NALF1: variants seen among roughly 807,000 people sequenced by gnomAD.
NALF1 encodes NALCN channel auxiliary factor 1.
NALF1 carries 3 observed loss-of-function variants against 48.4 expected under a neutral mutation model. The observed-to-expected ratio is 0.06, with a 90% CI of 0.03 to 0.16. The LOEUF is 0.16. NALF1 is among the 10% of genes least tolerant of loss of function. The pLI is 1.00. For synonymous variants in NALF1, 262 were observed against 245.7 expected (o/e 1.07, Z -0.62); for missense variants, 526 against 571.5 (o/e 0.92, Z 0.81).
intron 1 of NALF1, among the ~76,000 whole-genome samples, chr13:107,748,051 G>GT (rs906118893): frequency 6.6e-6 from 1 of 152,072 alleles, no homozygotes; most frequent in African/African-American, 2.4e-5. Flanking sequence ...TCATTCTAAC[G>GT]TAACAACAAA....
chr13:107,564,494 G>A (rs1451133861), intron 1 of NALF1, among the ~76,000 whole-genome samples: 1 of 152,144 alleles, frequency 6.6e-6, no homozygotes, highest in Non-Finnish European at 1.5e-5. Context: ...GTTCACCCTG[G>A]TTGTTCTTGC....
intron 1 of NALF1, among the ~76,000 whole-genome samples, chr13:107,693,371 A>C (rs946632631): frequency 6.6e-6 from 1 of 151,922 alleles, no homozygotes; most frequent in African/African-American, 2.4e-5. Context: ...TACCTAATGT[A>C]AATGACGAGT....
At chr13:107,649,522 G>A (rs1448801864) in intron 1 of NALF1, among the ~76,000 whole-genome samples, 2 of 152,038 alleles carry the variant, frequency 1.3e-5, no homozygotes, top group Non-Finnish European at 2.9e-5. Context: ...TTAAGTCCTG[G>A]GTTGTAGAGT....
At chr13:107,380,296 G>A (rs1317560165) in intron 1 of NALF1, among the ~76,000 whole-genome samples, 4 of 152,056 alleles carry the variant, frequency 2.6e-5, no homozygotes, top group Non-Finnish European at 4.4e-5. Context: ...TTTATATTGC[G>A]TATTTTTCAA....
intron 1 of NALF1, among the ~76,000 whole-genome samples, chr13:107,822,992 G>A (rs1879402453): frequency 6.6e-6 from 1 of 152,110 alleles, no homozygotes; most frequent in Non-Finnish European, 1.5e-5. Flanking sequence ...AAATAATCGG[G>A]TACTGCTGAG....
chr13:107,231,833 T>G (rs1024772109), intron 1 of NALF1, among the ~76,000 whole-genome samples: 3 of 152,228 alleles, frequency 2.0e-5, no homozygotes, highest in African/African-American at 7.2e-5. Context: ...TTTAGAAACC[T>G]TTTAAATCTT....
At chr13:107,574,034 C>CAAA (rs1318625342) in intron 1 of NALF1, among the ~76,000 whole-genome samples, 2 of 152,082 alleles carry the variant, frequency 1.3e-5, no homozygotes, top group South Asian at 2.1e-4. Context: ...AATAGTAGAA[C>CAAA]ATGAAAACAA....
At chr13:107,715,372 T>A (rs1875721624) in intron 1 of NALF1, among the ~76,000 whole-genome samples, 1 of 152,080 alleles carries the variant, frequency 6.6e-6, no homozygotes, top group Admixed American at 6.5e-5. Flanking sequence ...CTGGCTAATT[T>A]TGTATTTTTA....
intron 1 of NALF1, among the ~76,000 whole-genome samples, chr13:107,462,003 C>T (rs879683193): frequency 2.0e-5 from 3 of 152,104 alleles, no homozygotes; most frequent in Non-Finnish European, 4.4e-5. Context: ...TTAAGGTAGT[C>T]CCTTATTTAC....
In NALF1 at chr13:107,163,688, A is replaced by G. The variant is rs1878603172; in HGVS notation, c.*6809T>C. On this transcript the variant is annotated 3_prime_UTR_variant, in exon 3 of 3. Transcript: ENST00000375915. ...TTTATTCCGTGTTCATATTCACATA[A>G]AAAAGTACTTGAGTACATTCAGAAA... The G allele has an allele frequency of 6.6e-6, 1 of 152,142 alleles. No individual in the cohort carries two copies. Among genetic ancestry groups the G allele is most frequent in the Non-Finnish European group, 1.5e-5 (1 of 68,002 alleles). 9.4% of individuals were successfully genotyped at this position (152,142 alleles called of 1,614,324 possible).
intron 1 of NALF1, among the ~76,000 whole-genome samples, chr13:107,850,641 G>A (rs1048381014): frequency 6.6e-5 from 10 of 152,120 alleles, no homozygotes; most frequent in African/African-American, 7.2e-5. Flanking sequence ...GGTGACTCAC[G>A]CCTATAATCC....
At chr13:107,658,105 G>GT (rs1420852003) in intron 1 of NALF1, among the ~76,000 whole-genome samples, 2 of 152,098 alleles carry the variant, frequency 1.3e-5, no homozygotes, top group Non-Finnish European at 2.9e-5. Context: ...TCAGCTACTT[G>GT]TAAGACTTGA....
rs183082147 is a variant in NALF1, at chr13:107,812,739, C to T, written c.915+52943G>A. Among the ~76,000 whole-genome samples, 253 of 152,106 alleles carry T rather than the reference C, an allele frequency of 1.7e-3. 1 individual carries two copies. The highest frequency in any genetic ancestry group is 3.4e-3 in the Middle Eastern group (1 of 294). ...TTCTGAAAATTTCTAAATAATGCTACAATTTCTATCCATGTTATAATGAGA... is the reference window on the plus strand; with the variant it reads ...TTCTGAAAATTTCTAAATAATGCTATAATTTCTATCCATGTTATAATGAGA... On this transcript the variant is annotated intron_variant, in intron 1 of 2. Coordinates refer to ENST00000375915, the MANE Select transcript of NALF1 (RefSeq NM_001080396.3).
intron 1 of NALF1, among the ~76,000 whole-genome samples, chr13:107,242,604 A>G (rs1427923611): frequency 1.3e-5 from 2 of 152,236 alleles, no homozygotes; most frequent in Non-Finnish European, 2.9e-5. Flanking sequence ...ATTGATTAAC[A>G]TTAATTAACA....
intron 1 of NALF1, among the ~76,000 whole-genome samples, chr13:107,640,204 T>C (rs534338296): frequency 3.2e-4 from 48 of 152,164 alleles, no homozygotes; most frequent in Non-Finnish European, 4.3e-4. Flanking sequence ...GTGTTAAAGG[T>C]TATAAACAAA....
At chr13:107,438,190 C>G (rs1884493665) in intron 1 of NALF1, among the ~76,000 whole-genome samples, 1 of 152,052 alleles carries the variant, frequency 6.6e-6, no homozygotes, top group African/African-American at 2.4e-5. Flanking sequence ...AAGGTTAACA[C>G]AAGTCAAATG....
chr13:107,240,562 A>C (rs1880445973), intron 1 of NALF1, among the ~76,000 whole-genome samples: 1 of 152,208 alleles, frequency 6.6e-6, no homozygotes, highest in Admixed American at 6.5e-5. Flanking sequence ...AGATGTAGAA[A>C]GATAAGGGCA....
intron 1 of NALF1, among the ~76,000 whole-genome samples, chr13:107,236,715 AT>A (rs1880354923): frequency 6.7e-6 from 1 of 149,462 alleles, no homozygotes; most frequent in African/African-American, 2.5e-5. Flanking sequence ...CTATCTATCT[AT>A]CTATCTATCT....
intron 1 of NALF1, among the ~76,000 whole-genome samples, chr13:107,801,872 G>A (rs1263268676): frequency 1.3e-5 from 2 of 152,086 alleles, no homozygotes; most frequent in African/African-American, 4.8e-5. Flanking sequence ...GCGCTGCACC[G>A]GTTGAATGAA....
Sources: allele counts gnomAD v4.1 joint callset (sites outside exome capture counted in the v4.1 genomes callset), GRCh38; gene constraint gnomAD v4.1.1; transcripts MANE v1.5; gene names NCBI Gene and HGNC (gene_info 2026-07-23, HGNC 2026-07-21).